The following TPO variants were observed in gnomAD, a reference collection of about 807,000 sequenced individuals.
TPO encodes thyroid microsomal antigen.
TPO carries 78 observed loss-of-function variants against 96.9 expected under a neutral mutation model. The ratio of observed to expected loss-of-function variants is 0.81; its 90% CI spans 0.67 to 0.97. The LOEUF is 0.97. TPO is among the 50% of genes least tolerant of loss of function. TPO has a pLI of 0.00. For missense variants in TPO, 1,252 were observed against 1,274.8 expected (o/e 0.98, Z 0.27); for synonymous variants, 547 against 538.0 (o/e 1.02, Z -0.23).
chr2:1,498,090 G>A (rs1226827421), intron 13 of TPO, among the ~76,000 whole-genome samples: 1 of 151,492 alleles, frequency 6.6e-6, no homozygotes, highest in African/African-American at 2.4e-5. Flanking sequence ...ATTTAAAAAT[G>A]GCAGAGGTGG....
chr2:1,529,717 A>T (rs1677586757), intron 15 of TPO, among the ~76,000 whole-genome samples: 1 of 40,376 alleles, frequency 2.5e-5, no homozygotes, highest in African/African-American at 8.8e-5. Flanking sequence ...AACCTCCTCA[A>T]ATCCCCCCAC....
At chr2:1,540,981 C>T (rs1572060865) in intron 16 of TPO, 3 of 1,447,926 alleles carry the variant, frequency 2.1e-6, no homozygotes, top group Non-Finnish European at 1.8e-6. Flanking sequence ...CACTTTCAGG[C>T]GTTTGCTTCC....
intron 7 of TPO, among the ~76,000 whole-genome samples, chr2:1,472,822 G>C: frequency 1.8e-5 from 1 of 54,178 alleles, no homozygotes; most frequent in African/African-American, 7.3e-5. Flanking sequence ...CTGCTTGTTT[G>C]GCGGCAAAAA....
chr2:1,493,730 T>C (rs1672038113), intron 10 of TPO, 72 bp from the exon 11 acceptor site: 3 of 1,564,996 alleles, frequency 1.9e-6, no homozygotes, highest in South Asian at 1.1e-5. Flanking sequence ...TCGGGGACCA[T>C]GGCATGAGTG....
chr2:1,536,137 A>C (rs1039635137), intron 15 of TPO, among the ~76,000 whole-genome samples: 2 of 15,410 alleles, frequency 1.3e-4, no homozygotes, highest in African/African-American at 2.7e-4. Flanking sequence ...CAAATCCCCC[A>C]ATCTATGCAA....
chr2:1,490,635 GCA>G (rs1368373026), intron 10 of TPO, among the ~76,000 whole-genome samples: 9 of 152,330 alleles, frequency 5.9e-5, no homozygotes, highest in Admixed American at 2.0e-4. Flanking sequence ...AGAGACTGAA[GCA>G]CAGACAGTTT....
intron 2 of TPO, among the ~76,000 whole-genome samples, chr2:1,415,317 C>T (rs1314921331): frequency 1.5e-5 from 2 of 137,352 alleles, no homozygotes; most frequent in African/African-American, 2.8e-5. Flanking sequence ...GGTCCCTGGG[C>T]CTCTGCACAC....
intron 1 of TPO, among the ~76,000 whole-genome samples, chr2:1,387,298 C>A (rs1661918983): frequency 6.6e-6 from 1 of 152,222 alleles, no homozygotes; most frequent in Admixed American, 6.5e-5. Context: ...TAATATACTG[C>A]AGAGTGTTTT....
intron 1 of TPO, among the ~76,000 whole-genome samples, chr2:1,403,821 C>T (rs530593298): frequency 1.7e-4 from 26 of 152,252 alleles, no homozygotes; most frequent in Admixed American, 8.5e-4. Flanking sequence ...GACCAGAGCA[C>T]GCCGGGCCCC....
At chr2:1,449,614 A>T (rs2148564505) in intron 5 of TPO, among the ~76,000 whole-genome samples, 1 of 152,340 alleles carries the variant, frequency 6.6e-6, no homozygotes, top group South Asian at 2.1e-4. Flanking sequence ...CTAAGATATC[A>T]TTTAGCAATA....
chr2:1,447,689 T>C (rs1666946229), intron 5 of TPO, among the ~76,000 whole-genome samples: 1 of 152,162 alleles, frequency 6.6e-6, no homozygotes, highest in Non-Finnish European at 1.5e-5. Flanking sequence ...TATATATCTA[T>C]AATAAACACA....
At chr2:1,446,767 C>T (rs971484967) in intron 5 of TPO, among the ~76,000 whole-genome samples, 15 of 152,090 alleles carry the variant, frequency 9.9e-5, no homozygotes, top group African/African-American at 2.7e-4. Context: ...TTTGAAGAAA[C>T]GTTGTTCATA....
rs762793598 is a variant in TPO at position 1,500,378 on chromosome 2, A to G, written c.2387-3570A>G. On this transcript the variant is annotated intron_variant, in intron 13 of 16. Transcript: ENST00000329066. ...GACAAAACTCCAAAATCTGGTACAA[A>G]TGCGTGTGCACAGATATTTTTACTA... Among the ~76,000 whole-genome samples, 180 of 152,350 alleles carry G rather than the reference A, an allele frequency of 1.2e-3. 1 individual carries two copies. The highest frequency in any genetic ancestry group is 1.5e-3 in the Non-Finnish European group (102 of 68,034).
At chr2:1,419,673 C>T (rs1163135555) in intron 2 of TPO, among the ~76,000 whole-genome samples, 4 of 152,294 alleles carry the variant, frequency 2.6e-5, no homozygotes, top group South Asian at 4.1e-4. Flanking sequence ...CTCCTCAAAA[C>T]GTGTTTCCTG....
At chr2:1,386,589 T>G (rs1355774712) in intron 1 of TPO, among the ~76,000 whole-genome samples, 1 of 152,208 alleles carries the variant, frequency 6.6e-6, no homozygotes, top group Non-Finnish European at 1.5e-5. Flanking sequence ...TCCCTTTATT[T>G]TGAGCCTATG....
intron 1 of TPO, among the ~76,000 whole-genome samples, chr2:1,380,160 C>A (rs1055742576): frequency 6.6e-6 from 1 of 151,992 alleles, no homozygotes; most frequent in Non-Finnish European, 1.5e-5. Flanking sequence ...TTTGGGAGGC[C>A]GAGGTGGGCG....
Position 1,496,674 on chromosome 2 carries a change from GTA to G in TPO, c.2297_2298del (p.Tyr766PhefsTer7). On this transcript the variant is annotated frameshift_variant, in exon 13 of 17. Coordinates refer to ENST00000329066, the MANE Select transcript of TPO (RefSeq NM_001206744.2). LOFTEE classifies it high-confidence loss of function. ...AGGAGTCTGGGAGGCGCGTGCTGGT[GTA>G]TTCCTGCCGGCACGGGTATGAGCTC... The part of the protein sequence containing the change: ...CEESGRRVLV[Y>X]SCRHGYELQG... 6.2e-7 allele frequency: 1 copy of G among 1,614,108 alleles called. No homozygotes were observed. The highest frequency in any genetic ancestry group is 1.3e-5 in the African/African-American group (1 of 75,052).
At position 1,542,498 on chromosome 2, in the gene TPO, G is replaced by T. The variant is rs750936411; in HGVS notation, c.*24G>T. ...GAGGGCAAAGTGGCAGGACACTGCA[G>T]AACAGCTTCATGTTCCCAAAATCAC... On this transcript the variant is annotated 3_prime_UTR_variant, in exon 17 of 17. Transcript: ENST00000329066. The T allele has an allele frequency of 4.3e-6, 7 of 1,613,882 alleles. No individual in the cohort carries two copies. The South Asian group carries it at 4.4e-5, about 10-fold the overall frequency.
chr2:1,450,819 G>A (rs2148569330), intron 5 of TPO, among the ~76,000 whole-genome samples: 1 of 152,300 alleles, frequency 6.6e-6, no homozygotes, highest in East Asian at 1.9e-4. Context: ...CTCCCTATGA[G>A]CCATACTTTA....
Sources: allele counts gnomAD v4.1 joint callset (sites outside exome capture counted in the v4.1 genomes callset), GRCh38; gene constraint gnomAD v4.1.1; transcripts MANE v1.5; gene names NCBI Gene and HGNC (gene_info 2026-07-23, HGNC 2026-07-21).